GTF2A2: variants seen among roughly 807,000 people sequenced by gnomAD.
GTF2A2 encodes the protein general transcription factor IIA subunit 2, also known as transcription initiation factor IIA subunit 2.
Under a neutral mutation model 14.3 loss-of-function variants are expected in GTF2A2, and 9 were observed. The observed-to-expected ratio is 0.63, with a 90% confidence interval of 0.38 to 1.10. The LOEUF (loss-of-function observed/expected upper bound fraction) is 1.10, where lower values mean the gene tolerates loss of function less well. GTF2A2 is among the 50% of genes least tolerant of loss of function. The pLI is 0.01. For synonymous variants in GTF2A2, 56 were observed against 46.0 expected, an observed-to-expected ratio of 1.22 and a Z score of -0.88; for missense variants, 90 against 124.6, an observed-to-expected ratio of 0.72 and a Z score of 1.32.
intron 1 of GTF2A2, among the ~76,000 whole-genome samples, chr15:59,655,955 C>A (rs74759645): frequency 6.6e-6 from 1 of 152,174 alleles, no homozygotes; most frequent in South Asian, 2.1e-4. Context: ...GGGCCACTCT[C>A]GTCATCTGGA....
intron 3 of GTF2A2, among the ~76,000 whole-genome samples, chr15:59,643,763 T>C (rs1252062773): frequency 1.0e-5 from 1 of 98,740 alleles, no homozygotes; most frequent in African/African-American, 4.2e-5. Flanking sequence ...CATGCCTGTC[T>C]AATTTTTATA....
intron 4 of GTF2A2, among the ~76,000 whole-genome samples, 170 bp downstream of exon 4, chr15:59,641,966 C>CTGTT (rs1168421222): frequency 5.0e-4 from 76 of 152,274 alleles, no homozygotes; most frequent in Non-Finnish European, 6.8e-4. Context: ...AGTAAGAGCA[C>CTGTT]TGTTTGAGAT....
At chr15:59,639,214 C>CAATT in intron 4 of GTF2A2, 57 bp from the exon 5 acceptor site, 1 of 1,054,618 alleles carries the variant, frequency 9.5e-7, no homozygotes, top group Non-Finnish European at 1.5e-6. Context: ...TTTAATTTTA[C>CAATT]AATTAACTAT....
intron 3 of GTF2A2, among the ~76,000 whole-genome samples, chr15:59,645,971 TCA>T (rs1284280695): frequency 6.8e-6 from 1 of 146,332 alleles, no homozygotes; most frequent in Non-Finnish European, 1.5e-5. Context: ...GAGGCGGGGG[TCA>T]CAGTGAGGCG....
intron 1 of GTF2A2, among the ~76,000 whole-genome samples, chr15:59,653,132 G>A (rs1595674290): frequency 6.6e-6 from 1 of 152,146 alleles, no homozygotes; most frequent in South Asian, 2.1e-4. Flanking sequence ...CAGGATAGGT[G>A]CAAGCAGTGG....
Position 59,638,871 on chromosome 15 carries a change from GTTTTAAAA to G in GTF2A2, c.*253_*260del, listed in dbSNP as rs1566921289. The stretch of plus-strand genomic sequence containing the variant: ...ATAGCTTCACCAGTTATTACTCAGA[GTTTTAAAA>G]TGAGTTTATTAAAGAAGGTTCTTAG... On this transcript the variant is annotated 3_prime_UTR_variant, in exon 5 of 5. Transcript: ENST00000396060. 2.6e-6 allele frequency: 1 copy of G among 382,936 alleles called. No homozygotes were observed. Among genetic ancestry groups the G allele is most frequent in the African/African-American group, 2.1e-5 (1 of 47,836 alleles). 23.7% of individuals were successfully genotyped at this position (382,936 alleles called of 1,614,324 possible).
intron 4 of GTF2A2, chr15:59,640,031 G>T (rs1343222907): frequency 6.6e-6 from 1 of 152,360 alleles, no homozygotes; most frequent in African/African-American, 2.4e-5. Context: ...GATTACAGGC[G>T]TGAGCCACTG....
intron 3 of GTF2A2, among the ~76,000 whole-genome samples, chr15:59,645,562 A>T (rs1394094286): frequency 2.0e-5 from 3 of 152,216 alleles, no homozygotes; most frequent in Non-Finnish European, 4.4e-5. Context: ...AAATATACTG[A>T]AAGTCACCCA....
chr15:59,653,351 G>A (rs1355154744), intron 1 of GTF2A2, among the ~76,000 whole-genome samples: 3 of 152,108 alleles, frequency 2.0e-5, no homozygotes, highest in East Asian at 3.8e-4. Context: ...TACATTTGAG[G>A]AGCAATCATC....
intron 4 of GTF2A2, among the ~76,000 whole-genome samples, chr15:59,641,264 CAAAA>C (rs1205363257): frequency 1.3e-5 from 2 of 148,386 alleles, no homozygotes; most frequent in Admixed American, 1.3e-4. Context: ...TACATTTTTG[CAAAA>C]AAAAGTTATA....
Position 59,639,172 on chromosome 15 carries a change from A to AGAAAG in GTF2A2, c.305-20_305-16dup. 7.1e-7 allele frequency: 1 copy of AGAAAG among 1,414,760 alleles called. No individual in the cohort carries two copies. 87.6% of individuals were successfully genotyped at this position (1,414,760 alleles called of 1,614,324 possible). ...GGAGCCAGTATCTAGGAAACAAAAG[A>AGAAAG]GAAAGTAAAGTAAAGTAAATTCAAG... is the stretch of plus-strand genomic sequence containing the variant. On this transcript the variant is annotated splice_polypyrimidine_tract_variant and intron_variant, in intron 4 of 4. Coordinates refer to ENST00000396060, the MANE Select transcript of GTF2A2 (RefSeq NM_004492.3).
chr15:59,640,797 T>C (rs2141955384), intron 4 of GTF2A2, among the ~76,000 whole-genome samples: 1 of 152,302 alleles, frequency 6.6e-6, no homozygotes, highest in African/African-American at 2.4e-5. Flanking sequence ...ATAGAAATGT[T>C]ATCTTGTGAT....
chr15:59,650,250 G>C (rs1203353057), intron 3 of GTF2A2, among the ~76,000 whole-genome samples: 1 of 152,186 alleles, frequency 6.6e-6, no homozygotes, highest in Non-Finnish European at 1.5e-5. Context: ...AAGAGTCGGA[G>C]GGAGGCAACA....
At chr15:59,644,432 A>G (rs1405715923) in intron 3 of GTF2A2, 3 of 152,240 alleles carry the variant, frequency 2.0e-5, no homozygotes, top group African/African-American at 7.2e-5. Context: ...ATGACTAAGG[A>G]AAGTGATAGC....
chr15:59,652,348 G>T, intron 1 of GTF2A2, 22 bp from the exon 2 acceptor site: 1 of 793,152 alleles, frequency 1.3e-6, no homozygotes, highest in Non-Finnish European at 2.1e-6. Flanking sequence ...ATATAAAATT[G>T]TTAAAAAAGA....
intron 3 of GTF2A2, among the ~76,000 whole-genome samples, chr15:59,646,225 T>C (rs1566929485): frequency 1.3e-5 from 2 of 151,872 alleles, no homozygotes; most frequent in Non-Finnish European, 2.9e-5. Flanking sequence ...CCCAGCTAAT[T>C]TTTGTATTTT....
Position 59,653,507 on chromosome 15 carries a change from C to T in GTF2A2, c.-49-1181G>A, listed in dbSNP as rs1239873699. 2.0e-5 allele frequency among the ~76,000 whole-genome samples: 3 copies of T among 152,160 alleles called. No homozygotes were observed. In the South Asian group the frequency reaches 6.2e-4, roughly 32 times the overall value. On this transcript the variant is annotated intron_variant, in intron 1 of 4. Transcript: ENST00000396060. Reference sequence around the variant, plus strand: ...TTCTCAGTTCTCATGTCACTGGATACCATTGTATTTTTTATTTTCTTTTGC... The same window carrying T: ...TTCTCAGTTCTCATGTCACTGGATATCATTGTATTTTTTATTTTCTTTTGC...
chr15:59,649,614 T>A (rs1471560230), intron 3 of GTF2A2, among the ~76,000 whole-genome samples: 1 of 152,240 alleles, frequency 6.6e-6, no homozygotes, highest in Non-Finnish European at 1.5e-5. Context: ...GGTCAAATTA[T>A]ACAGTCTTGA....
At chr15:59,644,040 G>A (rs551917179) in intron 3 of GTF2A2, among the ~76,000 whole-genome samples, 88 of 152,090 alleles carry the variant, frequency 5.8e-4, no homozygotes, top group Non-Finnish European at 6.6e-4. Flanking sequence ...GATTACAGGC[G>A]TCTGCCACCA....
Sources: gnomAD v4.1 joint callset for allele counts (sites outside exome capture counted in the v4.1 genomes callset) on GRCh38, gnomAD v4.1.1 for gene constraint, MANE v1.5 for transcripts, NCBI Gene and HGNC (gene_info 2026-07-23, HGNC 2026-07-21) for gene names.